Variants in HGD observed in about 807,000 individuals in gnomAD.
HGD encodes homogentisate 1,2-dioxygenase.
In HGD, 61 loss-of-function variants were observed where a neutral mutation model predicts 60.8. That is an observed-to-expected ratio of 1.00 (90% CI 0.82 to 1.24). HGD has a LOEUF of 1.24. HGD is among the 50% of genes most tolerant of loss of function. The probability of loss-of-function intolerance (pLI) is 0.00; values close to 1 mark genes in which losing one functional copy is unlikely to be tolerated. For synonymous variants in HGD, 212 were observed against 187.7 expected, an observed-to-expected ratio of 1.13 and a Z score of -1.06; for missense variants, 542 against 547.1, an observed-to-expected ratio of 0.99 and a Z score of 0.09.
chr3:120,667,701 T>C (rs1002856767), intron 4 of HGD, among the ~76,000 whole-genome samples: 13 of 152,174 alleles, frequency 8.5e-5, no homozygotes, highest in Admixed American at 8.5e-4. Context: ...GTGATCGACA[T>C]GAGCAGGCAG....
chr3:120,644,744 G>GC lies in HGD; in HGVS notation c.650-302_650-301insG, dbSNP rs1941108339. On this transcript the variant is annotated intron_variant, in intron 9 of 13. Coordinates refer to ENST00000283871, the MANE Select transcript of HGD (RefSeq NM_000187.4). ...AGGTGAGGGGAAGGGAAGAGAGAAAGAGAACTGAAAAGAGGAAAAGGGAAG... is the reference window on the plus strand; with the variant it reads ...AGGTGAGGGGAAGGGAAGAGAGAAAGCAGAACTGAAAAGAGGAAAAGGGAAG... The GC allele has an allele frequency of 4.3e-6, 3 of 705,212 alleles. No individual in the cohort carries two copies. The East Asian group carries it at 1.4e-4, about 34-fold the overall frequency. 43.7% of individuals were successfully genotyped at this position (705,212 alleles called of 1,614,324 possible).
At chr3:120,652,027 A>G (rs1030676493) in intron 5 of HGD, among the ~76,000 whole-genome samples, 3 of 152,236 alleles carry the variant, frequency 2.0e-5, no homozygotes, top group Non-Finnish European at 4.4e-5. Flanking sequence ...TATCAATGAT[A>G]AAAATCATGG....
intron 1 of HGD, chr3:120,677,991 T>C (rs1264505193): frequency 6.6e-6 from 1 of 152,178 alleles, no homozygotes; most frequent in African/African-American, 2.4e-5. Flanking sequence ...CCAACAACAG[T>C]CTGTATTTGG....
intron 12 of HGD, among the ~76,000 whole-genome samples, chr3:120,637,899 T>A (rs1940833901): frequency 6.6e-6 from 1 of 152,184 alleles, no homozygotes; most frequent in South Asian, 2.1e-4. Context: ...AACTCTCATG[T>A]TGAAATGTGA....
At chr3:120,650,017 G>A (rs1182711947) in intron 6 of HGD, among the ~76,000 whole-genome samples, 2 of 152,204 alleles carry the variant, frequency 1.3e-5, no homozygotes, top group African/African-American at 2.4e-5. Flanking sequence ...AAGACAAGGA[G>A]AAAGGTGCCT....
At chr3:120,636,321 C>T (rs576511689) in intron 12 of HGD, among the ~76,000 whole-genome samples, 2 of 151,162 alleles carry the variant, frequency 1.3e-5, no homozygotes, top group Admixed American at 1.3e-4. Context: ...CTTGTGGGAA[C>T]TTGTTAAAAA....
chr3:120,664,426 C>CTTTTT lies in HGD; in HGVS notation c.282+5996_282+6000dup, dbSNP rs71133513. Among the ~76,000 whole-genome samples the CTTTTT allele has an allele frequency of 2.4e-4, 28 of 118,820 alleles. 1 individual carries two copies. The highest frequency in any genetic ancestry group is 5.5e-4 in the South Asian group (2 of 3,662). The allele number at this position is 118,820 out of a possible 152,430, so 78.0% of individuals were successfully genotyped here. A position where few individuals can be genotyped will look rare whatever the true frequency, so the allele number is the denominator to read the frequency against. ...TTCTTTCCTTCTTTCTTTTTTCTTC[C>CTTTTT]TTTTTTTTTTTTTTTTTCTGAGATA... On this transcript the variant is annotated intron_variant, in intron 4 of 13. Coordinates refer to ENST00000283871, the MANE Select transcript of HGD (RefSeq NM_000187.4).
chr3:120,670,559 C>A (rs1213085829), intron 3 of HGD, 27 bp from the exon 4 acceptor site: 7 of 1,264,064 alleles, frequency 5.5e-6, no homozygotes, highest in Non-Finnish European at 8.1e-6. Flanking sequence ...ACAAGATATA[C>A]AAGCCTTAGA....
chr3:120,644,459 C>T lies in HGD; in HGVS notation c.650-16G>A. On this transcript the variant is annotated splice_polypyrimidine_tract_variant and intron_variant, in intron 9 of 13. Transcript: ENST00000283871. ...CCATTGGCCCCTAGAAAACAGTAAC[C>T]CAAAAGTCTTTTAGAAACTTCCAAA... 6.2e-7 allele frequency: 1 copy of T among 1,613,940 alleles called. No homozygotes were observed. The highest frequency in any genetic ancestry group is 1.1e-5 in the South Asian group (1 of 91,062).
At position 120,643,575 on chromosome 3, in the gene HGD, T is replaced by C. The variant is rs146271952; in HGVS notation, c.774+744A>G. On this transcript the variant is annotated intron_variant, in intron 10 of 13. Transcript: ENST00000283871. ...GCCAAACTGGTTGGCCTCGGCTGGTTGGCATTATCTCTAGATGCTGCCTAA... is the reference window on the plus strand; with the variant it reads ...GCCAAACTGGTTGGCCTCGGCTGGTCGGCATTATCTCTAGATGCTGCCTAA... Among the ~76,000 whole-genome samples, 1,107 of 152,340 alleles carry C rather than the reference T, an allele frequency of 7.3e-3. 14 individuals are homozygous for C. The highest frequency in any genetic ancestry group is 0.025 in the African/African-American group (1,045 of 41,580).
rs924108576 is a variant in HGD, at chr3:120,631,259, GA to G, written c.1188+1887del. Reference sequence around the variant, plus strand: ...GTTAAAAATAAATAAAGAAATAAAAGAAAAAAAATGAATAAGACCTAGCATT... The same window carrying G: ...GTTAAAAATAAATAAAGAAATAAAAGAAAAAAATGAATAAGACCTAGCATT... On this transcript the variant is annotated intron_variant, in intron 13 of 13. Coordinates refer to ENST00000283871, the MANE Select transcript of HGD (RefSeq NM_000187.4). Among the ~76,000 whole-genome samples the G allele has an allele frequency of 2.6e-4, 40 of 151,448 alleles. 1 individual carries two copies. The highest frequency in any genetic ancestry group is 2.4e-3 in the Admixed American group (36 of 15,220).
At chr3:120,639,354 G>A (rs893208722) in intron 11 of HGD, among the ~76,000 whole-genome samples, 1 of 152,180 alleles carries the variant, frequency 6.6e-6, no homozygotes, top group African/African-American at 2.4e-5. Flanking sequence ...GCTTCCAGCT[G>A]CATCCATGTT....
intron 12 of HGD, among the ~76,000 whole-genome samples, chr3:120,636,466 G>C (rs1204209576): frequency 6.6e-6 from 1 of 152,160 alleles, no homozygotes; most frequent in African/African-American, 2.4e-5. Context: ...CAGGCACACA[G>C]AGTAACCTCA....
At position 120,641,682 on chromosome 3, in the gene HGD, C is replaced by T. The variant is rs747648606; in HGVS notation, c.786G>A (p.Pro262=). ...TCCCGTGCCAGGCCACAACATTGAA[C>T]GGGGAGACATCCTAAACACAAAAAG... ...KLFAAKQDVS[P]FNVVAWHGNY... Residue 262 remains proline (P), a synonymous_variant, in exon 11 of 14, where the codon CCG becomes CCA. Coordinates refer to ENST00000283871, the MANE Select transcript of HGD (RefSeq NM_000187.4). 3.4e-5 allele frequency: 54 copies of T among 1,611,736 alleles called. 1 individual carries two copies. The highest frequency in any genetic ancestry group is 1.7e-4 in the Middle Eastern group (1 of 6,060).
At chr3:120,638,853 C>A (rs1247701644) in intron 11 of HGD, among the ~76,000 whole-genome samples, 4 of 152,252 alleles carry the variant, frequency 2.6e-5, no homozygotes, top group Admixed American at 6.5e-5. Flanking sequence ...ATAATCCCCA[C>A]ATGTTGTGAG....
In HGD at chr3:120,667,562, G is replaced by T. The variant is rs536686607; in HGVS notation, c.282+2865C>A. On this transcript the variant is annotated intron_variant, in intron 4 of 13. Transcript: ENST00000283871. ...GTCACATCACATATTTTCTTTAAAG[G>T]TTAGGTTTAAAACCTAACCTCCCAC... is the stretch of plus-strand genomic sequence containing the variant. 3.9e-5 allele frequency among the ~76,000 whole-genome samples: 6 copies of T among 151,902 alleles called. 1 individual carries two copies. Among genetic ancestry groups the T allele is most frequent in the Admixed American group, 3.3e-4 (5 of 15,254 alleles).
chr3:120,629,384 C>G (rs1174526639), intron 13 of HGD, among the ~76,000 whole-genome samples: 2 of 152,154 alleles, frequency 1.3e-5, no homozygotes, highest in African/African-American at 4.8e-5. Context: ...TGCTACAACC[C>G]AAAGCACCCA....
At chr3:120,666,631 C>T (rs937621136) in intron 4 of HGD, among the ~76,000 whole-genome samples, 7 of 152,074 alleles carry the variant, frequency 4.6e-5, no homozygotes, top group South Asian at 2.1e-4. Context: ...TTCAGGCATG[C>T]ACCACCACAC....
chr3:120,656,554 T>A (rs1452604217), intron 4 of HGD, among the ~76,000 whole-genome samples: 5 of 115,914 alleles, frequency 4.3e-5, no homozygotes, highest in African/African-American at 2.7e-5. Flanking sequence ...ATTTTTGAGA[T>A]CTTTTTTTTG....
Sources: gnomAD v4.1 joint callset for allele counts (sites outside exome capture counted in the v4.1 genomes callset) on GRCh38, gnomAD v4.1.1 for gene constraint, MANE v1.5 for transcripts, NCBI Gene and HGNC (gene_info 2026-07-23, HGNC 2026-07-21) for gene names.